Variants in VWC2L observed in about 807,000 individuals in gnomAD.
The protein encoded by VWC2L is von Willebrand factor C domain containing 2 like.
Under a neutral mutation model 21.6 loss-of-function variants are expected in VWC2L, and 10 were observed. That is an observed-to-expected ratio of 0.46 (90% confidence interval 0.29 to 0.78). The LOEUF is 0.78. Among genes scored for constraint, VWC2L ranks in the 30% least tolerant of loss-of-function variants. VWC2L has a pLI of 0.10. For synonymous variants in VWC2L, 96 were observed against 94.3 expected, an observed-to-expected ratio of 1.02 and a Z score of -0.10; for missense variants, 209 against 277.1, an observed-to-expected ratio of 0.75 and a Z score of 1.74.
At chr2:214,462,412 C>T (rs937097797) in intron 3 of VWC2L, among the ~76,000 whole-genome samples, 4 of 152,202 alleles carry the variant, frequency 2.6e-5, no homozygotes, top group African/African-American at 9.7e-5. Context: ...CCTCAAGTGC[C>T]TTCTGTTACT....
At chr2:214,522,085 T>A (rs990394607) in intron 3 of VWC2L, among the ~76,000 whole-genome samples, 1 of 152,268 alleles carries the variant, frequency 6.6e-6, no homozygotes, top group South Asian at 2.1e-4. Flanking sequence ...CTTTTACAAA[T>A]TGTATTTTGG....
At chr2:214,448,433 AG>A (rs1168059406) in intron 3 of VWC2L, among the ~76,000 whole-genome samples, 1 of 152,202 alleles carries the variant, frequency 6.6e-6, no homozygotes, top group African/African-American at 2.4e-5. Flanking sequence ...GGTGGTGGGA[AG>A]GAAGGTGCTT....
chr2:214,450,426 T>C (rs1254900283), intron 3 of VWC2L, among the ~76,000 whole-genome samples: 1 of 152,232 alleles, frequency 6.6e-6, no homozygotes, highest in African/African-American at 2.4e-5. Flanking sequence ...TCCAAAATAC[T>C]CTCACACTCC....
chr2:214,559,568 T>C (rs1047506877), intron 3 of VWC2L, among the ~76,000 whole-genome samples: 11 of 152,072 alleles, frequency 7.2e-5, no homozygotes, highest in Non-Finnish European at 1.6e-4. Flanking sequence ...CCTTAGTATA[T>C]GAACTCTTTA....
chr2:214,519,762 C>T (rs2105910396), intron 3 of VWC2L, among the ~76,000 whole-genome samples: 2 of 152,262 alleles, frequency 1.3e-5, no homozygotes, highest in East Asian at 3.9e-4. Context: ...TCTGAAGGTG[C>T]ACATTCAGTT....
In VWC2L at chr2:214,578,249, CAGAA is replaced by C. The variant is rs1209259407; in HGVS notation, c.*2433_*2436del. The C allele has an allele frequency of 6.6e-6, 1 of 151,984 alleles. No individual in the cohort carries two copies. The highest frequency in any genetic ancestry group is 2.4e-5 in the African/African-American group (1 of 41,428). 9.4% of individuals were successfully genotyped at this position (151,984 alleles called of 1,614,324 possible). Reference sequence around the variant, plus strand: ...AGTTACTATGTCCTTTTTTAGAAAACAGAAAGAGAGTACAACTGGGAAGCTGAAG... The same window carrying C: ...AGTTACTATGTCCTTTTTTAGAAAACAGAGAGTACAACTGGGAAGCTGAAG... On this transcript the variant is annotated 3_prime_UTR_variant, in exon 4 of 4. Coordinates refer to ENST00000312504, the MANE Select transcript of VWC2L (RefSeq NM_001080500.4).
At chr2:214,522,958 G>A (rs1689268054) in intron 3 of VWC2L, among the ~76,000 whole-genome samples, 1 of 152,156 alleles carries the variant, frequency 6.6e-6, no homozygotes, top group Non-Finnish European at 1.5e-5. Flanking sequence ...AGAAGAACAT[G>A]TTGCTTGTTT....
chr2:214,546,388 T>C (rs1271129325), intron 3 of VWC2L, among the ~76,000 whole-genome samples: 1 of 152,162 alleles, frequency 6.6e-6, no homozygotes, highest in African/African-American at 2.4e-5. Context: ...TCCTAGATTC[T>C]CCTGAATGCT....
chr2:214,570,417 G>A (rs1690133278), intron 3 of VWC2L, among the ~76,000 whole-genome samples: 2 of 152,208 alleles, frequency 1.3e-5, no homozygotes, highest in South Asian at 4.1e-4. Context: ...AAGCTGGAAT[G>A]CCATGGCGTG....
chr2:214,536,148 T>C (rs1689525495), intron 3 of VWC2L, among the ~76,000 whole-genome samples: 1 of 152,152 alleles, frequency 6.6e-6, no homozygotes, highest in Admixed American at 6.6e-5. Flanking sequence ...AAATGCTCAG[T>C]AAATAACTTG....
At chr2:214,467,945 A>T (rs1285341157) in intron 3 of VWC2L, among the ~76,000 whole-genome samples, 1 of 152,180 alleles carries the variant, frequency 6.6e-6, no homozygotes, top group Non-Finnish European at 1.5e-5. Flanking sequence ...CAGGAGTTAG[A>T]GACCAGCCTG....
rs866755110 is a variant in VWC2L at position 214,551,589 on chromosome 2, G to T, written c.521-24083G>T. ...CTCATTTCTGTTAATGACTATGATT[G>T]ACTCCCATTTCATTCCAATCTATCA... On this transcript the variant is annotated intron_variant, in intron 3 of 3. Transcript: ENST00000312504. Among the ~76,000 whole-genome samples, 10 of 152,292 alleles carry T rather than the reference G, an allele frequency of 6.6e-5. No individual in the cohort carries two copies. In the Middle Eastern group the frequency reaches 0.014, roughly 207 times the overall value.
At chr2:214,523,728 G>A (rs1250094799) in intron 3 of VWC2L, among the ~76,000 whole-genome samples, 4 of 152,098 alleles carry the variant, frequency 2.6e-5, no homozygotes, top group African/African-American at 9.7e-5. Context: ...AATTACTCGG[G>A]AGGCTGAGGC....
At chr2:214,467,748 T>C (rs1339474885) in intron 3 of VWC2L, among the ~76,000 whole-genome samples, 1 of 152,190 alleles carries the variant, frequency 6.6e-6, no homozygotes, top group Non-Finnish European at 1.5e-5. Context: ...GTAATATTCA[T>C]TGTCCCTAAA....
chr2:214,525,422 C>T (rs1016350562), intron 3 of VWC2L: 1 of 152,088 alleles, frequency 6.6e-6, no homozygotes, highest in South Asian at 2.1e-4. Flanking sequence ...TACTGTTACC[C>T]GGGTGAGGAG....
intron 3 of VWC2L, among the ~76,000 whole-genome samples, chr2:214,508,415 A>G (rs1039288655): frequency 2.6e-5 from 4 of 152,194 alleles, no homozygotes; most frequent in South Asian, 2.1e-4. Flanking sequence ...GTCTACTCCC[A>G]AACTGCCATT....
chr2:214,563,546 C>CAAAAAAAAAAAAAAAAAAAAAAAA (rs55864016), intron 3 of VWC2L, among the ~76,000 whole-genome samples: 14 of 95,868 alleles, frequency 1.5e-4, no homozygotes, highest in East Asian at 3.1e-4. Context: ...GACTCCGTCT[C>CAAAAAAAAAAAAAAAAAAAAAAAA]AAAAAAAAAA....
At chr2:214,525,447 C>T (rs974780947) in intron 3 of VWC2L, 2 of 152,102 alleles carry the variant, frequency 1.3e-5, no homozygotes, top group African/African-American at 4.8e-5. Flanking sequence ...TTTCCAGAGT[C>T]AATAAGTTTG....
At chr2:214,554,735 G>C (rs966849171) in intron 3 of VWC2L, among the ~76,000 whole-genome samples, 5 of 152,146 alleles carry the variant, frequency 3.3e-5, no homozygotes, top group African/African-American at 1.2e-4. Context: ...CATTAAAAGA[G>C]AAATCTTAAG....
Sources: gnomAD v4.1 joint callset for allele counts (sites outside exome capture counted in the v4.1 genomes callset) on GRCh38, gnomAD v4.1.1 for gene constraint, MANE v1.5 for transcripts, NCBI Gene and HGNC (gene_info 2026-07-23, HGNC 2026-07-21) for gene names.